Variants in TBC1D19 observed in about 807,000 individuals in gnomAD.
TBC1D19 encodes TBC1 domain family member 19, also known as TBC1 domain family, member 19.
TBC1D19 carries 60 observed loss-of-function variants against 89.0 expected under a neutral mutation model. The observed-to-expected ratio is 0.67, with a 90% CI of 0.55 to 0.84. The LOEUF (loss-of-function observed/expected upper bound fraction) is 0.84. TBC1D19 is among the 40% of genes least tolerant of loss of function. The probability of loss-of-function intolerance (pLI) is 0.00; values close to 1 mark genes in which losing one functional copy is unlikely to be tolerated. For synonymous variants in TBC1D19, 189 were observed against 199.7 expected, an observed-to-expected ratio of 0.95 and a Z score of 0.45; for missense variants, 500 against 610.8, an observed-to-expected ratio of 0.82 and a Z score of 1.91.
At chr4:26,626,835 TTTTA>T (rs1742440824) in intron 4 of TBC1D19, among the ~76,000 whole-genome samples, 1 of 149,316 alleles carries the variant, frequency 6.7e-6, no homozygotes, top group Admixed American at 6.7e-5. Context: ...TTATTTTTAT[TTTTA>T]TTTATTTTAT....
the TBC1D19 span, among the ~76,000 whole-genome samples, chr4:26,818,838 A>C: frequency 4.6e-5 from 7 of 152,320 alleles, no homozygotes; most frequent in East Asian, 9.7e-4. Flanking sequence ...TTAGTTGCCC[A>C]GGTACCCGTA....
the TBC1D19 span, among the ~76,000 whole-genome samples, chr4:26,849,195 CACACAA>C: frequency 1.3e-4 from 9 of 69,302 alleles, no homozygotes; most frequent in Non-Finnish European, 1.9e-4. Flanking sequence ...GATACACACA[CACACAA>C]ACACACACAC....
chr4:26,628,684 C>T (rs1236691621), intron 4 of TBC1D19, among the ~76,000 whole-genome samples: 1 of 151,994 alleles, frequency 6.6e-6, no homozygotes, highest in Non-Finnish European at 1.5e-5. Flanking sequence ...AATCAACGTA[C>T]AAAAATCACA....
the TBC1D19 span, among the ~76,000 whole-genome samples, chr4:26,843,700 T>G: frequency 6.6e-6 from 1 of 152,136 alleles, no homozygotes; most frequent in Non-Finnish European, 1.5e-5. Context: ...TTATTTGTGT[T>G]GCTATAAAGG....
chr4:26,585,126 G>T (rs1332150315), intron 1 of TBC1D19: 1 of 431,436 alleles, frequency 2.3e-6, no homozygotes, highest in African/African-American at 2.1e-5. Flanking sequence ...ATTTTGCTTG[G>T]ATATTTGTTT....
chr4:26,675,706 C>T (rs79749143), intron 11 of TBC1D19, among the ~76,000 whole-genome samples: 2,939 of 152,128 alleles, frequency 0.019, 100 homozygotes, highest in African/African-American at 0.068. Context: ...TTTGTTGAAT[C>T]GCTTTTCAAT....
chr4:26,685,635 T>C (rs1713746333), intron 12 of TBC1D19, among the ~76,000 whole-genome samples: 1 of 152,218 alleles, frequency 6.6e-6, no homozygotes, highest in African/African-American at 2.4e-5. Context: ...TCTTAACCAC[T>C]AAGCTCTACA....
At position 26,721,578 on chromosome 4, in the gene TBC1D19, T is replaced by G. The variant is rs567405883; in HGVS notation, c.1084+1453T>G. On this transcript the variant is annotated intron_variant, in intron 15 of 20. Coordinates refer to ENST00000264866, the MANE Select transcript of TBC1D19 (RefSeq NM_018317.4). ...TTTCTAGTTTTGCTGTCTTTTACAC[T>G]GCTCATTTGAGTTATACATCTAAAG... Among the ~76,000 whole-genome samples the G allele has an allele frequency of 1.4e-4, 21 of 152,156 alleles. No individual in the cohort carries two copies. In the East Asian group the frequency reaches 3.9e-3, roughly 28 times the overall value.
chr4:26,825,122 CAG>C, the TBC1D19 span, among the ~76,000 whole-genome samples: 1 of 148,550 alleles, frequency 6.7e-6, no homozygotes, highest in African/African-American at 2.5e-5. Flanking sequence ...TTTTTTGAGA[CAG>C]AGTCTCACTC....
chr4:26,763,752 T>TA, the TBC1D19 span, among the ~76,000 whole-genome samples: 1 of 152,226 alleles, frequency 6.6e-6, no homozygotes, highest in African/African-American at 2.4e-5. Context: ...ACAAGTAAGA[T>TA]AAAATACATA....
chr4:26,762,556 T>C, the TBC1D19 span, among the ~76,000 whole-genome samples: 3 of 152,164 alleles, frequency 2.0e-5, no homozygotes, highest in African/African-American at 7.2e-5. Context: ...TTTCTTAAAG[T>C]AATGGCGCCA....
At chr4:26,775,077 G>A in the TBC1D19 span, among the ~76,000 whole-genome samples, 1 of 152,196 alleles carries the variant, frequency 6.6e-6, no homozygotes, top group Admixed American at 6.5e-5. Flanking sequence ...TTAGTATTGA[G>A]AACTGGTAAA....
chr4:26,735,119 CAT>C (rs542451262), intron 15 of TBC1D19, among the ~76,000 whole-genome samples: 74 of 149,586 alleles, frequency 4.9e-4, no homozygotes, highest in East Asian at 1.8e-3. Flanking sequence ...TATGTATACA[CAT>C]GTGTGTGTAT....
chr4:26,597,041 C>T (rs1220830877), intron 1 of TBC1D19, among the ~76,000 whole-genome samples: 1 of 152,050 alleles, frequency 6.6e-6, no homozygotes. Context: ...GTTTATATTG[C>T]CATTGTTGGA....
At chr4:26,613,469 A>G (rs573173288) in intron 2 of TBC1D19, among the ~76,000 whole-genome samples, 104 of 152,268 alleles carry the variant, frequency 6.8e-4, no homozygotes, top group Non-Finnish European at 1.4e-3. Context: ...AGAAACAGAA[A>G]CTAAGAACCC....
At chr4:26,648,770 T>C (rs1398084806) in intron 7 of TBC1D19, among the ~76,000 whole-genome samples, 1 of 152,160 alleles carries the variant, frequency 6.6e-6, no homozygotes, top group Non-Finnish European at 1.5e-5. Flanking sequence ...TTACTAAAAG[T>C]TTCTCCCAAA....
chr4:26,779,175 C>T, the TBC1D19 span, among the ~76,000 whole-genome samples: 1 of 152,222 alleles, frequency 6.6e-6, no homozygotes, highest in Non-Finnish European at 1.5e-5. Context: ...GTTTCTGCTG[C>T]TCCTAAAAGT....
chr4:26,595,219 C>T (rs1344465404), intron 1 of TBC1D19, among the ~76,000 whole-genome samples: 1 of 152,100 alleles, frequency 6.6e-6, no homozygotes, highest in African/African-American at 2.4e-5. Context: ...GTTTATTTGC[C>T]ATCTGTGTGT....
chr4:26,708,405 C>T (rs1427448667), intron 13 of TBC1D19, among the ~76,000 whole-genome samples: 1 of 152,040 alleles, frequency 6.6e-6, no homozygotes, highest in East Asian at 1.9e-4. Flanking sequence ...CTCTCTTTGC[C>T]TTTGACCTTC....
Sources: gnomAD v4.1 joint callset for allele counts (sites outside exome capture counted in the v4.1 genomes callset) on GRCh38, gnomAD v4.1.1 for gene constraint, MANE v1.5 for transcripts, NCBI Gene and HGNC (gene_info 2026-07-23, HGNC 2026-07-21) for gene names.